OXSR1: variants seen among roughly 807,000 people sequenced by gnomAD.
OXSR1 encodes serine/threonine-protein kinase OSR1.
Under a neutral mutation model 79.8 loss-of-function variants are expected in OXSR1, and 24 were observed. The ratio of observed to expected loss-of-function variants is 0.30; its 90% CI spans 0.22 to 0.42. OXSR1 has a LOEUF of 0.42. Among genes scored for constraint, OXSR1 ranks in the 10% least tolerant of loss-of-function variants. The probability of loss-of-function intolerance (pLI) is 1.00; values close to 1 mark genes in which losing one functional copy is unlikely to be tolerated. For missense variants in OXSR1, 430 were observed against 618.4 expected, an observed-to-expected ratio of 0.70 and a Z score of 3.23; for synonymous variants, 226 against 209.2, an observed-to-expected ratio of 1.08 and a Z score of -0.69.
At chr3:38,176,237 T>G (rs1214023102) in intron 1 of OXSR1, among the ~76,000 whole-genome samples, 1 of 152,194 alleles carries the variant, frequency 6.6e-6, no homozygotes. Flanking sequence ...CAGTAAATGG[T>G]TAAACAACTG....
chr3:38,208,948 C>T (rs573581383), intron 4 of OXSR1, among the ~76,000 whole-genome samples: 2 of 144,656 alleles, frequency 1.4e-5, no homozygotes, highest in Non-Finnish European at 3.0e-5. Context: ...CTAAGAGTAA[C>T]CCAGTTAAGG....
Position 38,216,118 on chromosome 3 carries a change from C to G in OXSR1, c.457C>G (p.Leu153Val). The G allele has an allele frequency of 6.3e-7, 1 of 1,575,176 alleles. No individual in the cohort carries two copies. Residue 153 changes from leucine (L) to valine (V), a missense_variant, in exon 5 of 18, where the codon CTT becomes GTT. Leu to Val is a conservative substitution (Grantham distance 32, BLOSUM62 1). Transcript: ENST00000311806. ...IHRDVKAGNILLGEDGSVQIA... is the reference protein window; with the variant it reads ...IHRDVKAGNIVLGEDGSVQIA... ...AAGAGATGTGAAAGCTGGAAACATTCTTCTTGGAGAAGATGGCTCAGTACA... is the reference window on the plus strand; with the variant it reads ...AAGAGATGTGAAAGCTGGAAACATTGTTCTTGGAGAAGATGGCTCAGTACA...
At chr3:38,240,847 A>T (rs902215938) in intron 11 of OXSR1, among the ~76,000 whole-genome samples, 1 of 152,220 alleles carries the variant, frequency 6.6e-6, no homozygotes, top group East Asian at 1.9e-4. Context: ...AGTCTATACC[A>T]ATAACAAATA....
At chr3:38,206,053 A>C (rs1702258498) in intron 4 of OXSR1, among the ~76,000 whole-genome samples, 1 of 152,224 alleles carries the variant, frequency 6.6e-6, no homozygotes. Flanking sequence ...TATCTAAAGA[A>C]ATTCCTAAAG....
chr3:38,187,569 A>G (rs992628265), intron 2 of OXSR1, among the ~76,000 whole-genome samples: 3 of 152,186 alleles, frequency 2.0e-5, no homozygotes, highest in African/African-American at 2.4e-5. Flanking sequence ...AATGGTAGAA[A>G]TGATGGTGAG....
intron 12 of OXSR1, among the ~76,000 whole-genome samples, chr3:38,244,637 C>CTGTGTGTGTGTGTGTGTGTGTGTG (rs112035003): frequency 5.6e-4 from 56 of 99,504 alleles, no homozygotes; most frequent in African/African-American, 1.6e-3. Context: ...TAATATTCCT[C>CTGTGTGTGTGTGTGTGTGTGTGTG]TGTGTGTGTG....
chr3:38,170,180 G>A (rs527568735), intron 1 of OXSR1, among the ~76,000 whole-genome samples: 230 of 152,140 alleles, frequency 1.5e-3, no homozygotes, highest in Middle Eastern at 3.4e-3. Context: ...AAGTAGGTGG[G>A]ATTACACATG....
chr3:38,169,134 G>A (rs752325169), intron 1 of OXSR1, among the ~76,000 whole-genome samples: 1 of 152,136 alleles, frequency 6.6e-6, no homozygotes, highest in Non-Finnish European at 1.5e-5. Context: ...AACCATCCTA[G>A]TGACTATGAA....
intron 1 of OXSR1, among the ~76,000 whole-genome samples, chr3:38,169,783 G>A (rs772422876): frequency 3.3e-4 from 50 of 151,446 alleles, no homozygotes; most frequent in Non-Finnish European, 5.0e-4. Flanking sequence ...GTCACCTAGG[G>A]TGGAGTGCAG....
At chr3:38,234,117 C>T (rs1702869481) in intron 10 of OXSR1, among the ~76,000 whole-genome samples, 2 of 151,888 alleles carry the variant, frequency 1.3e-5, no homozygotes, top group Admixed American at 1.3e-4. Flanking sequence ...GATTGTTGAC[C>T]TAAATATAAG....
chr3:38,241,147 G>T (rs1410118016), intron 11 of OXSR1, among the ~76,000 whole-genome samples: 1 of 152,126 alleles, frequency 6.6e-6, no homozygotes, highest in African/African-American at 2.4e-5. Context: ...CCTTGACTAG[G>T]TGATTAAAAT....
chr3:38,183,256 A>G lies in OXSR1; in HGVS notation c.183+141A>G, dbSNP rs35989440. Reference sequence around the variant, plus strand: ...ATTAATAAATAATATTCATTGTAAAATTTATAAAGTCTGGATAAGTAGAAA... The same window carrying G: ...ATTAATAAATAATATTCATTGTAAAGTTTATAAAGTCTGGATAAGTAGAAA... On this transcript the variant is annotated intron_variant, in intron 2 of 17. Coordinates refer to ENST00000311806, the MANE Select transcript of OXSR1 (RefSeq NM_005109.3). The G allele has an allele frequency of 2.7e-3, 1,172 of 436,454 alleles. 13 individuals carry two copies. The highest frequency in any genetic ancestry group is 0.022 in the African/African-American group (1,086 of 48,982). 27.0% of individuals were successfully genotyped at this position (436,454 alleles called of 1,614,324 possible). A position where few individuals can be genotyped will look rare whatever the true frequency, so the allele number is the denominator to read the frequency against.
At chr3:38,198,028 A>G (rs1259876121) in intron 3 of OXSR1, among the ~76,000 whole-genome samples, 1 of 152,150 alleles carries the variant, frequency 6.6e-6, no homozygotes, top group Non-Finnish European at 1.5e-5. Flanking sequence ...TATAATCTTC[A>G]GTTTTGGTAG....
In OXSR1 at chr3:38,198,806, T is replaced by C; in HGVS notation, c.377T>C (p.Ile126Thr). 6.2e-7 allele frequency: 1 copy of C among 1,613,606 alleles called. No homozygotes were observed. The highest frequency in any genetic ancestry group is 8.5e-7 in the Non-Finnish European group (1 of 1,179,566). Residue 126 changes from isoleucine to threonine, a missense_variant, in exon 4 of 18, where the codon ATA (isoleucine) becomes ACA (threonine). Ile to Thr is a moderately conservative substitution (Grantham distance 89). Transcript: ENST00000311806. ...CTAGATGAATCTACCATTGCTACGA[T>C]ACTCCGAGAAGTACTGGAAGGGCTG... ...GVLDESTIAT[I>T]LREVLEGLEY... is the part of the protein sequence containing the mutation.
At chr3:38,186,960 T>C (rs917176154) in intron 2 of OXSR1, among the ~76,000 whole-genome samples, 1 of 152,220 alleles carries the variant, frequency 6.6e-6, no homozygotes, top group Admixed American at 6.5e-5. Flanking sequence ...CTCTATATCC[T>C]CACCAATACT....
intron 4 of OXSR1, 126 bp from the exon 5 acceptor site, chr3:38,215,970 C>A: frequency 9.1e-6 from 6 of 662,010 alleles, no homozygotes; most frequent in Non-Finnish European, 1.3e-5. Context: ...TCTTAATATC[C>A]TTTAATATAA....
Position 38,245,249 on chromosome 3 carries a change from T to C in OXSR1, c.1111-826T>C, listed in dbSNP as rs2125852927. Among the ~76,000 whole-genome samples, 3 of 152,318 alleles carry C rather than the reference T, an allele frequency of 2.0e-5. No homozygotes were observed. The South Asian group carries it at 6.2e-4, about 32-fold the overall frequency. Reference sequence around the variant, plus strand: ...TCAACTTTACATTTTGGCTATTGCATCGTTTTTTCTCCCCCAGTAACTGCA... The same window carrying C: ...TCAACTTTACATTTTGGCTATTGCACCGTTTTTTCTCCCCCAGTAACTGCA... On this transcript the variant is annotated intron_variant, in intron 12 of 17. Transcript: ENST00000311806.
chr3:38,189,131 C>G (rs1490643110), intron 2 of OXSR1, among the ~76,000 whole-genome samples: 2 of 152,096 alleles, frequency 1.3e-5, no homozygotes, highest in Non-Finnish European at 2.9e-5. Context: ...TTCTCCCTAT[C>G]CTATAGAATT....
At chr3:38,237,195 C>T (rs1026269688) in intron 11 of OXSR1, among the ~76,000 whole-genome samples, 12 of 152,104 alleles carry the variant, frequency 7.9e-5, no homozygotes, top group African/African-American at 2.9e-4. Context: ...ACGAAAGCTG[C>T]AAATGTCTGA....
Sources: gnomAD v4.1 joint callset for allele counts (sites outside exome capture counted in the v4.1 genomes callset) on GRCh38, gnomAD v4.1.1 for gene constraint, MANE v1.5 for transcripts, NCBI Gene and HGNC (gene_info 2026-07-23, HGNC 2026-07-21) for gene names.